The following DLG2 variants were observed in gnomAD, a reference collection of about 807,000 sequenced individuals.
DLG2 encodes disks large homolog 2.
DLG2 carries 45 observed loss-of-function variants against 132.5 expected under a neutral mutation model. The ratio of observed to expected loss-of-function variants is 0.34; its 90% CI spans 0.27 to 0.44. The LOEUF is 0.44. DLG2 is among the 20% of genes least tolerant of loss of function. DLG2 has a pLI of 1.00. For synonymous variants in DLG2, 424 were observed against 419.6 expected (o/e 1.01, Z -0.13); for missense variants, 1,045 against 1,196.9 (o/e 0.87, Z 1.87).
chr11:84,287,545 A>T (rs2097921761), intron 7 of DLG2, among the ~76,000 whole-genome samples: 1 of 152,052 alleles, frequency 6.6e-6, no homozygotes, highest in Non-Finnish European at 1.5e-5. Context: ...CTCCCTGGGA[A>T]TCTGTTCTCC....
chr11:84,056,341 T>A (rs1414982614), intron 11 of DLG2, among the ~76,000 whole-genome samples: 1 of 152,108 alleles, frequency 6.6e-6, no homozygotes, highest in East Asian at 1.9e-4. Context: ...TGTTACTGCA[T>A]TAGTTTGCTG....
At chr11:83,704,528 A>G (rs1321793158) in intron 18 of DLG2, among the ~76,000 whole-genome samples, 2 of 151,920 alleles carry the variant, frequency 1.3e-5, no homozygotes. Flanking sequence ...AAAAAAATGT[A>G]TAATTTGACC....
At chr11:85,514,908 T>G (rs566070692) in intron 3 of DLG2, among the ~76,000 whole-genome samples, 1 of 152,018 alleles carries the variant, frequency 6.6e-6, no homozygotes, top group South Asian at 2.1e-4. Flanking sequence ...TGGAGGAAAA[T>G]AAATCAAGAA....
intron 3 of DLG2, among the ~76,000 whole-genome samples, chr11:85,529,987 G>GTTTTTTTTT (rs59507021): frequency 1.8e-5 from 2 of 113,122 alleles, no homozygotes; most frequent in African/African-American, 3.3e-5. Context: ...GAGAGGGTTT[G>GTTTTTTTTT]TTTTTTTTTT....
intron 6 of DLG2, among the ~76,000 whole-genome samples, chr11:84,768,056 T>C (rs944032326): frequency 1.2e-4 from 18 of 152,338 alleles, no homozygotes; most frequent in African/African-American, 4.3e-4. Flanking sequence ...AGCAATGTTA[T>C]GCTGGGCAAA....
chr11:83,877,081 G>T (rs2154070325), intron 15 of DLG2, among the ~76,000 whole-genome samples: 1 of 152,010 alleles, frequency 6.6e-6, no homozygotes, highest in East Asian at 1.9e-4. Flanking sequence ...TTAGTTTCTT[G>T]ATTTATGTTA....
At chr11:84,931,039 A>G (rs1217267059) in intron 6 of DLG2, among the ~76,000 whole-genome samples, 1 of 152,018 alleles carries the variant, frequency 6.6e-6, no homozygotes, top group Non-Finnish European at 1.5e-5. Context: ...TCACTTCTCT[A>G]TCTTCACCCT....
chr11:85,202,554 G>T (rs892268531), intron 4 of DLG2, among the ~76,000 whole-genome samples: 1 of 152,086 alleles, frequency 6.6e-6, no homozygotes, highest in South Asian at 2.1e-4. Flanking sequence ...GACCTAACAG[G>T]CATTTATAGA....
intron 2 of DLG2, among the ~76,000 whole-genome samples, chr11:85,626,021 T>C (rs1019840538): frequency 1.3e-5 from 2 of 152,252 alleles, no homozygotes; most frequent in South Asian, 4.1e-4. Flanking sequence ...TTGACAATCA[T>C]GTTATTGGAT....
intron 6 of DLG2, among the ~76,000 whole-genome samples, chr11:84,714,595 TTCTTTC>T (rs1164656382): frequency 1.1e-3 from 113 of 103,904 alleles, no homozygotes; most frequent in South Asian, 4.1e-3. Flanking sequence ...CTCTTTCTCT[TTCTTTC>T]TCTTTCTCTT....
chr11:85,569,134 C>A (rs1318414936), intron 3 of DLG2, among the ~76,000 whole-genome samples: 3 of 152,302 alleles, frequency 2.0e-5, no homozygotes, highest in Non-Finnish European at 4.4e-5. Flanking sequence ...CAGGTTTGAG[C>A]AATTCTCCTT....
At chr11:83,928,853 T>C (rs1206787386) in intron 15 of DLG2, among the ~76,000 whole-genome samples, 2 of 152,320 alleles carry the variant, frequency 1.3e-5, no homozygotes, top group Admixed American at 6.5e-5. Context: ...AAATGTTAGC[T>C]ACCCTTATGT....
intron 16 of DLG2, among the ~76,000 whole-genome samples, chr11:83,870,046 C>T (rs569073761): frequency 1.3e-5 from 2 of 152,314 alleles, no homozygotes; most frequent in African/African-American, 4.8e-5. Context: ...TTGCTGCAGA[C>T]ACATCCCTTA....
intron 3 of DLG2, among the ~76,000 whole-genome samples, chr11:85,299,661 G>A (rs1367910392): frequency 2.0e-5 from 3 of 152,184 alleles, no homozygotes; most frequent in Non-Finnish European, 4.4e-5. Flanking sequence ...AGCAGTGGCT[G>A]TCAAATTTTA....
At chr11:85,239,731 G>C (rs1480723463) in intron 4 of DLG2, among the ~76,000 whole-genome samples, 2 of 151,804 alleles carry the variant, frequency 1.3e-5, no homozygotes, top group Admixed American at 6.6e-5. Flanking sequence ...TTTGTTTGTA[G>C]CTGTAGTTTC....
At chr11:85,372,444 T>C (rs1012329049) in intron 3 of DLG2, among the ~76,000 whole-genome samples, 2 of 152,210 alleles carry the variant, frequency 1.3e-5, no homozygotes, top group Non-Finnish European at 2.9e-5. Context: ...CTGAGATACA[T>C]TTTGTCTCAG....
intron 6 of DLG2, among the ~76,000 whole-genome samples, chr11:85,075,911 C>T (rs2066477884): frequency 2.0e-5 from 3 of 151,854 alleles, no homozygotes; most frequent in African/African-American, 4.8e-5. Context: ...AGAATGTAGT[C>T]ATGTGTTATT....
intron 22 of DLG2, chr11:83,483,209 G>GGAAAA (rs772787887): frequency 3.8e-6 from 6 of 1,562,034 alleles, no homozygotes; most frequent in South Asian, 2.2e-5. Flanking sequence ...CAAAAGGAAA[G>GGAAAA]GAAAAGAAAA....
chr11:84,534,912 G>C (rs2099351708), intron 6 of DLG2, 181 bp from the exon 7 acceptor site: 1 of 750,128 alleles, frequency 1.3e-6, no homozygotes, highest in African/African-American at 1.7e-5. Flanking sequence ...AATGCAAGCA[G>C]AACTGAGTTA....
Sources: gnomAD v4.1 joint callset for allele counts (sites outside exome capture counted in the v4.1 genomes callset) on GRCh38, gnomAD v4.1.1 for gene constraint, MANE v1.5 for transcripts, NCBI Gene and HGNC (gene_info 2026-07-23, HGNC 2026-07-21) for gene names.